Variants in GREB1L observed in about 807,000 individuals in gnomAD.
GREB1L encodes the protein GREB1-like protein.
In GREB1L, 17 loss-of-function variants were observed where a neutral mutation model predicts 200.8. That is an observed-to-expected ratio of 0.08 (90% CI 0.06 to 0.13). GREB1L has a LOEUF of 0.13. Among genes scored for constraint, GREB1L ranks in the 10% least tolerant of loss-of-function variants. The probability of loss-of-function intolerance (pLI) is 1.00; values close to 1 mark genes in which losing one functional copy is unlikely to be tolerated. For missense variants in GREB1L, 1,657 were observed against 2,367.7 expected (o/e 0.70, Z 6.23); for synonymous variants, 789 against 893.0 (o/e 0.88, Z 2.08).
intron 7 of GREB1L, among the ~76,000 whole-genome samples, chr18:21,404,595 G>A (rs1278888304): frequency 6.6e-6 from 1 of 152,316 alleles, no homozygotes; most frequent in Non-Finnish European, 1.5e-5. Flanking sequence ...CCAGTCTGAG[G>A]CTTCTAAAAA....
At chr18:21,242,924 C>T (rs904698661) in intron 1 of GREB1L, among the ~76,000 whole-genome samples, 2 of 152,132 alleles carry the variant, frequency 1.3e-5, no homozygotes, top group Non-Finnish European at 2.9e-5. Flanking sequence ...GGAGTTCAGC[C>T]TGGGAAAGTT....
chr18:21,291,922 A>G (rs1437656963), intron 1 of GREB1L, among the ~76,000 whole-genome samples: 1 of 152,226 alleles, frequency 6.6e-6, no homozygotes, highest in Non-Finnish European at 1.5e-5. Flanking sequence ...TTTACTCTGA[A>G]TATTTGTGTA....
At position 21,401,282 on chromosome 18, in the gene GREB1L, G is replaced by A; in HGVS notation, c.665G>A (p.Ser222Asn). ...CACTTAAAGTACTACCTAGTCAGAA[G>A]CTCCCAGGGTGTACTGTCTAAAGGA... ...QKHLKYYLVR[S>N]SQGVLSKGPL... Residue 222 changes from serine (S) to asparagine (N), a missense_variant, in exon 6 of 33, where the codon AGC becomes AAC. Ser to Asn is a conservative substitution (Grantham distance 46, BLOSUM62 1). Around this residue, in one of 9 missense-constraint regions of GREB1L, gnomAD observed 70 missense variants for 151.3 expected, o/e 0.46. Coordinates refer to ENST00000424526, the MANE Select transcript of GREB1L (RefSeq NM_001142966.3). 2 of 1,551,710 alleles carry A rather than the reference G, an allele frequency of 1.3e-6. No homozygotes were observed. Among genetic ancestry groups the A allele is most frequent in the Non-Finnish European group, 1.7e-6 (2 of 1,146,918 alleles).
At chr18:21,328,398 G>A (rs1329047721) in intron 1 of GREB1L, among the ~76,000 whole-genome samples, 1 of 152,158 alleles carries the variant, frequency 6.6e-6, no homozygotes, top group Non-Finnish European at 1.5e-5. Flanking sequence ...TGAAAATAGT[G>A]CCAAGACAAC....
intron 1 of GREB1L, among the ~76,000 whole-genome samples, chr18:21,351,674 T>TA (rs1468958725): frequency 6.6e-6 from 1 of 151,862 alleles, no homozygotes; most frequent in African/African-American, 2.4e-5. Flanking sequence ...TGGGGTATGA[T>TA]AGGTGATAAG....
At chr18:21,294,414 C>G (rs1417933999) in intron 1 of GREB1L, among the ~76,000 whole-genome samples, 2 of 151,626 alleles carry the variant, frequency 1.3e-5, no homozygotes, top group South Asian at 2.1e-4. Context: ...AAACGCCCAG[C>G]AGAGAGGAGA....
intron 1 of GREB1L, among the ~76,000 whole-genome samples, chr18:21,335,916 G>T (rs2039178227): frequency 6.6e-6 from 1 of 152,014 alleles, no homozygotes; most frequent in South Asian, 2.1e-4. Context: ...ACCTTCCTCA[G>T]CCTCCCAAAG....
At chr18:21,497,056 C>G (rs912052287) in intron 21 of GREB1L, among the ~76,000 whole-genome samples, 1 of 152,178 alleles carries the variant, frequency 6.6e-6, no homozygotes, top group African/African-American at 2.4e-5. Context: ...GGTCCTGAAG[C>G]TGTATGTTTG....
intron 23 of GREB1L, among the ~76,000 whole-genome samples, chr18:21,502,795 T>A (rs982719972): frequency 6.6e-6 from 1 of 152,096 alleles, no homozygotes; most frequent in Non-Finnish European, 1.5e-5. Context: ...TTCTGCCAGC[T>A]CTCCCGCCAG....
chr18:21,457,783 G>T (rs976437915), intron 15 of GREB1L, among the ~76,000 whole-genome samples: 3 of 152,120 alleles, frequency 2.0e-5, no homozygotes, highest in Non-Finnish European at 4.4e-5. Context: ...CGGAGAAATT[G>T]CTCCGGGTAG....
At chr18:21,515,896 T>TC (rs2037399934) in intron 29 of GREB1L, among the ~76,000 whole-genome samples, 1 of 152,240 alleles carries the variant, frequency 6.6e-6, no homozygotes, top group South Asian at 2.1e-4. Flanking sequence ...CAACAAGAAC[T>TC]CAAGACACAA....
At chr18:21,486,198 C>T (rs926759061) in intron 18 of GREB1L, among the ~76,000 whole-genome samples, 10 of 151,974 alleles carry the variant, frequency 6.6e-5, no homozygotes, top group African/African-American at 1.2e-4. Context: ...ACTAAAAATA[C>T]GAAAAATTAG....
Position 21,268,592 on chromosome 18 carries a change from T to C in GREB1L, c.-120+26199T>C, listed in dbSNP as rs866324670. Among the ~76,000 whole-genome samples the C allele has an allele frequency of 8.5e-4, 109 of 128,342 alleles. No individual in the cohort carries two copies. The Middle Eastern group carries it at 0.016, about 19-fold the overall frequency. 84.2% of individuals were successfully genotyped at this position (128,342 alleles called of 152,430 possible). ...ATATATATATATATATATATATATATACATGTATATATATATGTTTTTTCA... is the reference window on the plus strand; with the variant it reads ...ATATATATATATATATATATATATACACATGTATATATATATGTTTTTTCA... On this transcript the variant is annotated intron_variant, in intron 1 of 32. Coordinates refer to ENST00000424526, the MANE Select transcript of GREB1L (RefSeq NM_001142966.3).
Position 21,522,951 on chromosome 18 carries a change from C to A in GREB1L, c.*130C>A. ...GTGCAACATATTTGTCTAAATTCTC[C>A]AAAGAACTCCCCAAATCTGATCCAG... On this transcript the variant is annotated 3_prime_UTR_variant, in exon 33 of 33. Transcript: ENST00000424526. 2 of 805,696 alleles carry A rather than the reference C, an allele frequency of 2.5e-6. No individual in the cohort carries two copies. Among genetic ancestry groups the A allele is most frequent in the Non-Finnish European group, 3.8e-6 (2 of 533,064 alleles). The allele number at this position is 805,696 out of a possible 1,614,324, so 49.9% of individuals were successfully genotyped here.
At chr18:21,347,254 G>A (rs1435260665) in intron 1 of GREB1L, among the ~76,000 whole-genome samples, 8 of 149,794 alleles carry the variant, frequency 5.3e-5, no homozygotes, top group African/African-American at 2.0e-4. Context: ...ACTCCAGCCT[G>A]AGCAACAGAG....
chr18:21,278,607 G>A lies in GREB1L; in HGVS notation c.-120+36214G>A, dbSNP rs150820205. On this transcript the variant is annotated intron_variant, in intron 1 of 32. Transcript: ENST00000424526. ...ATGTTCTGGTATCAACTGTTTCTCAGTACTTTGAAGTCAGAATACTAATCC... is the reference window on the plus strand; with the variant it reads ...ATGTTCTGGTATCAACTGTTTCTCAATACTTTGAAGTCAGAATACTAATCC... Among the ~76,000 whole-genome samples, 563 of 151,974 alleles carry A rather than the reference G, an allele frequency of 3.7e-3. 2 individuals are homozygous for A. Among genetic ancestry groups the A allele is most frequent in the African/African-American group, 0.013 (542 of 41,454 alleles).
chr18:21,472,072 C>T (rs1182581009), intron 15 of GREB1L, among the ~76,000 whole-genome samples: 1 of 152,176 alleles, frequency 6.6e-6, no homozygotes, highest in Non-Finnish European at 1.5e-5. Context: ...TGTTTGAAAG[C>T]AAAATTACCT....
intron 1 of GREB1L, among the ~76,000 whole-genome samples, chr18:21,326,976 A>C (rs1000096558): frequency 5.3e-5 from 8 of 152,116 alleles, no homozygotes; most frequent in African/African-American, 1.9e-4. Flanking sequence ...AGATTGGTCT[A>C]GCCACAAAAT....
rs552835053 is a variant in GREB1L, at chr18:21,463,253, C to T, written c.2182+8690C>T. Reference sequence around the variant, plus strand: ...CTCCACCTCCCGGGTTCACACCATTCTCCTGCCTCAGCCTCCCAAGTAGGT... The same window carrying T: ...CTCCACCTCCCGGGTTCACACCATTTTCCTGCCTCAGCCTCCCAAGTAGGT... On this transcript the variant is annotated intron_variant, in intron 15 of 32. Transcript: ENST00000424526. 2.9e-5 allele frequency among the ~76,000 whole-genome samples: 4 copies of T among 139,574 alleles called. No individual in the cohort carries two copies. The South Asian group carries it at 9.5e-4, about 33-fold the overall frequency. The allele number at this position is 139,574 out of a possible 152,430, so 91.6% of individuals were successfully genotyped here.
Sources: gnomAD v4.1 joint callset for allele counts (sites outside exome capture counted in the v4.1 genomes callset) on GRCh38, gnomAD v4.1.1 for gene constraint, gnomAD v4.1.1 regional missense constraint, MANE v1.5 for transcripts, NCBI Gene and HGNC (gene_info 2026-07-23, HGNC 2026-07-21) for gene names.